The following NAALAD2 variants were observed in gnomAD, a reference collection of about 807,000 sequenced individuals.
NAALAD2 encodes N-acetylated-alpha-linked acidic dipeptidase 2.
NAALAD2 carries 89 observed loss-of-function variants against 95.6 expected under a neutral mutation model. The ratio of observed to expected loss-of-function variants is 0.93; its 90% CI spans 0.78 to 1.11. The LOEUF is 1.11. Among genes scored for constraint, NAALAD2 ranks in the 50% least tolerant of loss-of-function variants. NAALAD2 has a pLI of 0.00. For synonymous variants in NAALAD2, 264 were observed against 294.4 expected (o/e 0.90, Z 1.06); for missense variants, 894 against 872.4 (o/e 1.02, Z -0.31).
chr11:90,177,914 T>C lies in NAALAD2; in HGVS notation c.1655T>C (p.Val552Ala), dbSNP rs763911197. Residue 552 changes from valine to alanine, a missense_variant, in exon 16 of 19, where the codon GTA (valine) becomes GCA (alanine). Transcript: ENST00000534061. Reference protein sequence around the residue: ...YHTIYETFELVEKFYDPTFKK... With the variant: ...YHTIYETFELAEKFYDPTFKK... Reference sequence around the variant, plus strand: ...ACAATTTATGAGACATTTGAATTGGTAGAGAAATTTTATGACCCCACATTT... The same window carrying C: ...ACAATTTATGAGACATTTGAATTGGCAGAGAAATTTTATGACCCCACATTT... The C allele has an allele frequency of 1.9e-6, 3 of 1,613,834 alleles. No homozygotes were observed. Among genetic ancestry groups the C allele is most frequent in the African/African-American group, 1.3e-5 (1 of 74,884 alleles).
In NAALAD2 at chr11:90,150,613, G is replaced by A. The variant is rs1379053675; in HGVS notation, c.609+6G>A. Reference sequence around the variant, plus strand: ...AAATCTTCAGAGGAAATAAAGTACAGTATTATTTGTTTTTCTACAGAGAAT... The same window carrying A: ...AAATCTTCAGAGGAAATAAAGTACAATATTATTTGTTTTTCTACAGAGAAT... On this transcript the variant is annotated splice_donor_region_variant and intron_variant, in intron 5 of 18. Coordinates refer to ENST00000534061, the MANE Select transcript of NAALAD2 (RefSeq NM_005467.4). 1.3e-6 allele frequency: 2 copies of A among 1,576,176 alleles called. No individual in the cohort carries two copies. The highest frequency in any genetic ancestry group is 1.1e-5 in the South Asian group (1 of 88,504).
At chr11:90,164,361 T>C (rs898690451) in intron 11 of NAALAD2, 1 of 152,266 alleles carries the variant, frequency 6.6e-6, no homozygotes, top group Non-Finnish European at 1.5e-5. Context: ...GTAAGCACAT[T>C]CATTTTTTTA....
intron 5 of NAALAD2, 94 bp from the exon 6 acceptor site, chr11:90,152,203 TA>T: frequency 8.3e-7 from 1 of 1,200,606 alleles, no homozygotes; most frequent in Non-Finnish European, 1.1e-6. Flanking sequence ...AGGCAGTGTC[TA>T]AATATCCTTC....
chr11:90,169,925 A>G (rs1952584525), intron 12 of NAALAD2, 144 bp from the exon 13 acceptor site: 5 of 629,620 alleles, frequency 7.9e-6, no homozygotes, highest in Non-Finnish European at 1.1e-5. Context: ...AACTATTTCC[A>G]CCCTGTTTTA....
intron 6 of NAALAD2, among the ~76,000 whole-genome samples, chr11:90,153,149 T>A (rs1000023553): frequency 6.6e-6 from 1 of 152,186 alleles, no homozygotes; most frequent in African/African-American, 2.4e-5. Context: ...CTGAGTAGTA[T>A]TCCCTTGAAT....
At chr11:90,177,586 G>GTTATTTTTTTTTTTTTTT (rs1952832978) in intron 15 of NAALAD2, among the ~76,000 whole-genome samples, 1 of 28,456 alleles carries the variant, frequency 3.5e-5, no homozygotes, top group Non-Finnish European at 6.2e-5. Flanking sequence ...TCTTTTTCTT[G>GTTATTTTTTTTTTTTTTT]TTTTTTTTTT....
At position 90,184,533 on chromosome 11, in the gene NAALAD2, A is replaced by G. The variant is rs375050045; in HGVS notation, c.2033+1525A>G. ...GGATCAAACAAAAGCCGAAAGCCGT[A>G]TCTACAGTGTTTGTTAGTCCTCTCA... On this transcript the variant is annotated intron_variant, in intron 18 of 18. Coordinates refer to ENST00000534061, the MANE Select transcript of NAALAD2 (RefSeq NM_005467.4). Among the ~76,000 whole-genome samples the G allele has an allele frequency of 2.0e-5, 3 of 152,146 alleles. No homozygotes were observed. The East Asian group carries it at 5.8e-4, about 29-fold the overall frequency.
chr11:90,191,727 A>G lies in NAALAD2; in HGVS notation c.2203A>G (p.Thr735Ala). The change falls in exon 19 of 19, where the codon ACT (threonine) becomes GCT (alanine). Residue 735 changes from threonine to alanine, a missense_variant. Transcript: ENST00000534061. ...TTTTACAATTCAAGCAGCAGCAGGA[A>G]CTCTGAAAGAAGTATTATAGAAGGT... is the stretch of plus-strand genomic sequence containing the variant. Reference protein sequence around the residue: ...AAFTIQAAAGTLKEVL With the variant: ...AAFTIQAAAGALKEVL 6.3e-7 allele frequency: 1 copy of G among 1,587,702 alleles called. No individual in the cohort carries two copies. Among genetic ancestry groups the G allele is most frequent in the South Asian group, 1.2e-5 (1 of 84,710 alleles).
intron 2 of NAALAD2, among the ~76,000 whole-genome samples, chr11:90,139,887 T>C (rs1022568140): frequency 8.6e-5 from 13 of 151,984 alleles, no homozygotes; most frequent in Non-Finnish European, 1.5e-4. Context: ...ATAGTCCTTA[T>C]GCTGGATTTA....
At chr11:90,188,037 C>T (rs568836288) in intron 18 of NAALAD2, among the ~76,000 whole-genome samples, 5 of 152,192 alleles carry the variant, frequency 3.3e-5, no homozygotes, top group African/African-American at 7.2e-5. Context: ...ATACAGAAAA[C>T]GGAAATGAGT....
chr11:90,185,877 AT>A (rs1857125445), intron 18 of NAALAD2, among the ~76,000 whole-genome samples: 1 of 113,008 alleles, frequency 8.8e-6, no homozygotes, highest in Admixed American at 8.9e-5. Context: ...TTTTTTTTAT[AT>A]ACATTTAAAA....
At position 90,135,591 on chromosome 11, in the gene NAALAD2, A is replaced by G; in HGVS notation, c.115A>G (p.Thr39Ala). 1.9e-6 allele frequency: 3 copies of G among 1,612,056 alleles called. No individual in the cohort carries two copies. The highest frequency in any genetic ancestry group is 2.5e-6 in the Non-Finnish European group (3 of 1,178,898). Residue 39 changes from threonine (T) to alanine (A), a missense_variant, in exon 2 of 19, where the codon ACT (threonine) becomes GCT (alanine). Coordinates refer to ENST00000534061, the MANE Select transcript of NAALAD2 (RefSeq NM_005467.4). ...WFIKPLKETT[T>A]SVRYHQSIRW... ...TATTAAGCCTCTCAAAGAAACGACCACTTCTGTGCGCTATCATCAAAGTAT... is the reference window on the plus strand; with the variant it reads ...TATTAAGCCTCTCAAAGAAACGACCGCTTCTGTGCGCTATCATCAAAGTAT...
At chr11:90,153,938 T>C (rs552091960) in intron 6 of NAALAD2, among the ~76,000 whole-genome samples, 6 of 152,160 alleles carry the variant, frequency 3.9e-5, no homozygotes, top group Admixed American at 6.5e-5. Flanking sequence ...TAGGTTTTTG[T>C]AGCTTCTATC....
chr11:90,177,187 C>T (rs1480502769), intron 15 of NAALAD2, among the ~76,000 whole-genome samples: 3 of 152,098 alleles, frequency 2.0e-5, no homozygotes, highest in Admixed American at 6.6e-5. Flanking sequence ...TGTAATAATT[C>T]ATATTCATAA....
At chr11:90,191,410 T>C (rs1352148590) in intron 18 of NAALAD2, 148 bp from the exon 19 acceptor site, 1 of 480,956 alleles carries the variant, frequency 2.1e-6, no homozygotes. Flanking sequence ...CTTGAAATTA[T>C]GATTCGCATA....
intron 18 of NAALAD2, among the ~76,000 whole-genome samples, chr11:90,186,782 C>G (rs1269884262): frequency 6.9e-6 from 1 of 144,636 alleles, no homozygotes; most frequent in East Asian, 2.0e-4. Context: ...ACTTCATGTC[C>G]AAAACACCAA....
At chr11:90,166,228 G>C (rs1037696910) in intron 11 of NAALAD2, among the ~76,000 whole-genome samples, 1 of 150,906 alleles carries the variant, frequency 6.6e-6, no homozygotes, top group Non-Finnish European at 1.5e-5. Context: ...GCGGTGAAGG[G>C]CTCTCTCAGC....
chr11:90,168,849 A>C lies in NAALAD2; in HGVS notation c.1279-80A>C, dbSNP rs1591004880. 2.6e-5 allele frequency: 31 copies of C among 1,185,086 alleles called. No homozygotes were observed. In the East Asian group the frequency reaches 7.4e-4, roughly 28 times the overall value. The allele number at this position is 1,185,086 out of a possible 1,614,324, so 73.4% of individuals were successfully genotyped here. On this transcript the variant is annotated intron_variant, in intron 11 of 18. Transcript: ENST00000534061. ...AAAGATACTTGTAAACCGCTTTTCCACGAAATTAATTTGCTTATTTTGTTT... is the reference window on the plus strand; with the variant it reads ...AAAGATACTTGTAAACCGCTTTTCCCCGAAATTAATTTGCTTATTTTGTTT...
chr11:90,153,272 G>GT (rs1280303758), intron 6 of NAALAD2, among the ~76,000 whole-genome samples: 7 of 152,162 alleles, frequency 4.6e-5, no homozygotes, highest in African/African-American at 1.7e-4. Context: ...GACCTTGTAT[G>GT]TACATGTTCT....
Sources: gnomAD v4.1 joint callset for allele counts (sites outside exome capture counted in the v4.1 genomes callset) on GRCh38, gnomAD v4.1.1 for gene constraint, MANE v1.5 for transcripts, NCBI Gene and HGNC (gene_info 2026-07-23, HGNC 2026-07-21) for gene names.